The following NCKAP5 variants were observed in gnomAD, a reference collection of about 807,000 sequenced individuals.
NCKAP5 encodes nck-associated protein 5.
NCKAP5 carries 92 observed loss-of-function variants against 167.0 expected under a neutral mutation model. The ratio of observed to expected loss-of-function variants is 0.55; its 90% CI spans 0.47 to 0.66. NCKAP5 has a LOEUF of 0.66. NCKAP5 is among the 30% of genes least tolerant of loss of function. NCKAP5 has a pLI of 0.00. For synonymous variants in NCKAP5, 891 were observed against 877.4 expected (o/e 1.02, Z -0.27); for missense variants, 2,378 against 2,315.0 (o/e 1.03, Z -0.56).
intron 5 of NCKAP5, among the ~76,000 whole-genome samples, chr2:133,179,135 A>G (rs906801582): frequency 5.3e-5 from 8 of 152,198 alleles, no homozygotes; most frequent in Non-Finnish European, 1.0e-4. Context: ...TCTTTAAAAC[A>G]AAACCCCAAA....
Position 133,424,648 on chromosome 2 carries a change from T to A in NCKAP5, c.69+92810A>T, listed in dbSNP as rs529272803. Among the ~76,000 whole-genome samples, 4 of 152,338 alleles carry A rather than the reference T, an allele frequency of 2.6e-5. No homozygotes were observed. In the South Asian group the frequency reaches 8.3e-4, roughly 32 times the overall value. ...AAAATGTAAAAACCTAGAAGGATTT[T>A]ACTTGCTACTTTGCCTTGCTACTCA... On this transcript the variant is annotated intron_variant, in intron 3 of 19. Coordinates refer to ENST00000409261, the MANE Select transcript of NCKAP5 (RefSeq NM_207363.3).
intron 3 of NCKAP5, among the ~76,000 whole-genome samples, chr2:133,411,360 G>T (rs1409741679): frequency 6.6e-6 from 1 of 152,186 alleles, no homozygotes; most frequent in Admixed American, 6.5e-5. Flanking sequence ...GTATCGGAAG[G>T]GAGGGCTTCC....
intron 4 of NCKAP5, among the ~76,000 whole-genome samples, chr2:133,228,155 G>C (rs891906033): frequency 6.6e-6 from 1 of 152,212 alleles, no homozygotes; most frequent in Admixed American, 6.5e-5. Flanking sequence ...CACAGTCTTA[G>C]ATGTGGTCCT....
intron 4 of NCKAP5, among the ~76,000 whole-genome samples, chr2:133,216,817 T>C (rs1286023979): frequency 1.3e-5 from 2 of 151,618 alleles, no homozygotes; most frequent in Admixed American, 6.6e-5. Flanking sequence ...AGAAGGAGAG[T>C]GGCTGTGTCG....
At position 132,676,535 on chromosome 2, in the gene NCKAP5, C is replaced by T. The variant is rs993506323; in HGVS notation, c.5714-3230G>A. On this transcript the variant is annotated intron_variant, in intron 19 of 19. Transcript: ENST00000409261. ...CTGCCTATAGGAGCATACCGAACCT[C>T]AACATTGTCTTGTCAGATCTCAGAT... Among the ~76,000 whole-genome samples, 5 of 152,022 alleles carry T rather than the reference C, an allele frequency of 3.3e-5. No individual in the cohort carries two copies. The East Asian group carries it at 9.6e-4, about 29-fold the overall frequency.
At chr2:133,484,901 A>G (rs2151326585) in intron 3 of NCKAP5, among the ~76,000 whole-genome samples, 1 of 152,338 alleles carries the variant, frequency 6.6e-6, no homozygotes, top group African/African-American at 2.4e-5. Context: ...ACAACCCTAG[A>G]CTAAGTCAAG....
intron 5 of NCKAP5, among the ~76,000 whole-genome samples, chr2:133,213,452 T>G (rs776513809): frequency 3.3e-5 from 5 of 152,194 alleles, no homozygotes; most frequent in Non-Finnish European, 1.5e-5. Context: ...GCTGGAAGTC[T>G]GACCTTCAGA....
At chr2:133,155,703 G>C (rs1325854131) in intron 5 of NCKAP5, among the ~76,000 whole-genome samples, 1 of 152,174 alleles carries the variant, frequency 6.6e-6, no homozygotes, top group Non-Finnish European at 1.5e-5. Context: ...TCTGTTATGT[G>C]GGTGGGCCTC....
chr2:133,472,651 A>C (rs80090961), intron 3 of NCKAP5, among the ~76,000 whole-genome samples: 5,660 of 152,202 alleles, frequency 0.037, 156 homozygotes, highest in Admixed American at 0.086. Context: ...CATATGTACT[A>C]ACCCTGCAAA....
intron 5 of NCKAP5, among the ~76,000 whole-genome samples, chr2:133,179,315 C>A (rs1395443316): frequency 1.3e-5 from 2 of 148,992 alleles, no homozygotes; most frequent in East Asian, 4.0e-4. Context: ...AATGCTCCAA[C>A]AAGCATTTCC....
At chr2:133,377,556 C>A (rs920234721) in intron 3 of NCKAP5, among the ~76,000 whole-genome samples, 4 of 152,108 alleles carry the variant, frequency 2.6e-5, no homozygotes, top group Non-Finnish European at 4.4e-5. Context: ...CCAACAAAAG[C>A]ATTTCACCTC....
chr2:133,094,523 T>C (rs1400600170), intron 6 of NCKAP5, among the ~76,000 whole-genome samples: 2 of 152,188 alleles, frequency 1.3e-5, no homozygotes, highest in Non-Finnish European at 2.9e-5. Context: ...TCTTTCCATG[T>C]ATACTTATGT....
At chr2:132,898,526 G>A (rs1287545911) in intron 8 of NCKAP5, among the ~76,000 whole-genome samples, 1 of 152,110 alleles carries the variant, frequency 6.6e-6, no homozygotes, top group Non-Finnish European at 1.5e-5. Context: ...TCCATCAGAG[G>A]AATCACTCTC....
chr2:133,336,743 A>C (rs1480844577), intron 3 of NCKAP5, among the ~76,000 whole-genome samples: 1 of 152,186 alleles, frequency 6.6e-6, no homozygotes, highest in African/African-American at 2.4e-5. Context: ...CTGAGTCTGA[A>C]ACAGCTCATT....
chr2:133,494,096 C>T (rs1050645855), intron 3 of NCKAP5, among the ~76,000 whole-genome samples: 5 of 152,144 alleles, frequency 3.3e-5, no homozygotes, highest in Non-Finnish European at 2.9e-5. Context: ...GAGACAGTGC[C>T]GTTGCACTGA....
At chr2:133,413,001 G>C (rs1215166889) in intron 3 of NCKAP5, among the ~76,000 whole-genome samples, 1 of 152,216 alleles carries the variant, frequency 6.6e-6, no homozygotes, top group Non-Finnish European at 1.5e-5. Context: ...AAGCAAATAT[G>C]AGAGTCCTGT....
chr2:132,907,912 C>T (rs1394183244), intron 8 of NCKAP5, among the ~76,000 whole-genome samples: 2 of 152,086 alleles, frequency 1.3e-5, no homozygotes, highest in Non-Finnish European at 2.9e-5. Flanking sequence ...CTGCCTCATC[C>T]TCCCAAAGTG....
At chr2:133,292,268 C>A (rs1457550554) in intron 4 of NCKAP5, among the ~76,000 whole-genome samples, 1 of 151,564 alleles carries the variant, frequency 6.6e-6, no homozygotes, top group African/African-American at 2.4e-5. Context: ...AATAGAAAGC[C>A]ATGGTAAATT....
At position 132,782,014 on chromosome 2, in the gene NCKAP5, C is replaced by T; in HGVS notation, c.4797G>A (p.Lys1599=). The T allele has an allele frequency of 6.2e-7, 1 of 1,614,016 alleles. No individual in the cohort carries two copies. The highest frequency in any genetic ancestry group is 8.5e-7 in the Non-Finnish European group (1 of 1,179,890). The change falls in exon 14 of 20, where the codon AAG becomes AAA. Residue 1599 remains lysine (K), a synonymous_variant. Coordinates refer to ENST00000409261, the MANE Select transcript of NCKAP5 (RefSeq NM_207363.3). ...RTPQDIYNQL[K]IEPRNRHSPV... ...GGCTGTGTCTATTCCTTGGTTCAAT[C>T]TTCAGTTGGTTGTAAATGTCTTGTG...
Sources: allele counts gnomAD v4.1 joint callset (sites outside exome capture counted in the v4.1 genomes callset), GRCh38; gene constraint gnomAD v4.1.1; transcripts MANE v1.5; gene names NCBI Gene and HGNC (gene_info 2026-07-23, HGNC 2026-07-21).